HECTD4: variants seen among roughly 807,000 people sequenced by gnomAD.
HECTD4 encodes the protein HECT domain E3 ubiquitin protein ligase 4.
A neutral mutation model predicts 471.5 loss-of-function variants in HECTD4; 114 were observed. The observed-to-expected ratio is 0.24, with a 90% confidence interval of 0.21 to 0.28. The LOEUF is 0.28. HECTD4 is among the 10% of genes least tolerant of loss of function. The probability of loss-of-function intolerance (pLI) is 1.00; values close to 1 mark genes in which losing one functional copy is unlikely to be tolerated. For missense variants in HECTD4, 3,866 were observed against 5,651.5 expected, an observed-to-expected ratio of 0.68 and a Z score of 10.13; for synonymous variants, 2,012 against 2,256.0, an observed-to-expected ratio of 0.89 and a Z score of 3.07.
intron 54 of HECTD4, 67 bp downstream of exon 54, chr12:112,203,569 G>A: frequency 7.6e-7 from 1 of 1,319,090 alleles, no homozygotes; most frequent in Non-Finnish European, 1.0e-6. Context: ...AAGGTACCTG[G>A]GAATCTGGGT....
At chr12:112,281,524 T>C (rs1466705810) in intron 8 of HECTD4, among the ~76,000 whole-genome samples, 1 of 152,208 alleles carries the variant, frequency 6.6e-6, no homozygotes, top group African/African-American at 2.4e-5. Context: ...GTCATGAAAA[T>C]GTTTATTTAG....
At chr12:112,268,967 C>T (rs1322266276) in intron 13 of HECTD4, among the ~76,000 whole-genome samples, 2 of 145,824 alleles carry the variant, frequency 1.4e-5, no homozygotes, top group Admixed American at 6.9e-5. Flanking sequence ...CTCCGCCTCC[C>T]GGGTTCACGC....
At chr12:112,356,849 C>T (rs1337357153) in intron 1 of HECTD4, among the ~76,000 whole-genome samples, 3 of 152,130 alleles carry the variant, frequency 2.0e-5, no homozygotes, top group Non-Finnish European at 4.4e-5. Context: ...TTTAGGCTTC[C>T]TGATTAAAAA....
Position 112,184,624 on chromosome 12 carries a change from C to T in HECTD4, c.10342G>A (p.Ala3448Thr). The T allele has an allele frequency of 1.2e-6, 2 of 1,613,892 alleles. No homozygotes were observed. Among genetic ancestry groups the T allele is most frequent in the South Asian group, 2.2e-5 (2 of 91,084 alleles). ...EEDTKKPKDK[A>T]EGGDGKVEPE... is the part of the protein sequence containing the mutation. ...TCAACTTTCCCGTCCCCGCCCTCGG[C>T]CTTGTCTTTTGGCTTCTTGGTGTCT... The change falls in exon 61 of 76, where the codon GCC becomes ACC. Residue 3448 changes from alanine to threonine, a missense_variant. Physicochemically the swap from Ala to Thr is moderately conservative, Grantham distance 58. Transcript: ENST00000682272. This position sits in a 1 kb window ranked among gnomAD's most constrained non-coding sequence, Gnocchi z 9.1.
At chr12:112,307,951 C>T (rs1396514337) in intron 6 of HECTD4, among the ~76,000 whole-genome samples, 1 of 152,246 alleles carries the variant, frequency 6.6e-6, no homozygotes, top group Non-Finnish European at 1.5e-5. Context: ...TGTATTCTTA[C>T]ACTCAACAAT....
chr12:112,180,532 A>T (rs188534895), intron 62 of HECTD4, among the ~76,000 whole-genome samples: 2,599 of 143,950 alleles, frequency 0.018, 27 homozygotes, highest in Non-Finnish European at 0.029. Context: ...GAGACTGTTT[A>T]AAAAAAAAAA....
rs2036877308 is a variant in HECTD4, at chr12:112,381,041, TC to T, written c.177+910del. On this transcript the variant is annotated intron_variant, in intron 1 of 75. Transcript: ENST00000682272. This position sits in a 1 kb window ranked among gnomAD's most constrained non-coding sequence, Gnocchi z 4.1. Reference sequence around the variant, plus strand: ...ATGCTACCTACACATCAAAATGTCATCCCACAAAGTGGAAGGGGAGCAGTGT... The same window carrying T: ...ATGCTACCTACACATCAAAATGTCATCCACAAAGTGGAAGGGGAGCAGTGT... 6.6e-6 allele frequency among the ~76,000 whole-genome samples: 1 copy of T among 152,000 alleles called. No homozygotes were observed. The highest frequency in any genetic ancestry group is 6.6e-5 in the Admixed American group (1 of 15,250).
chr12:112,244,068 C>A, intron 29 of HECTD4, 59 bp from the exon 30 acceptor site: 1 of 1,544,484 alleles, frequency 6.5e-7, no homozygotes. Flanking sequence ...CAGCCAAATG[C>A]AACACAGAAC....
chr12:112,228,164 G>T lies in HECTD4; in HGVS notation c.6779C>A (p.Thr2260Asn). 1 of 1,613,962 alleles carries T rather than the reference G, an allele frequency of 6.2e-7. No individual in the cohort carries two copies. The highest frequency in any genetic ancestry group is 8.5e-7 in the Non-Finnish European group (1 of 1,179,872). ...LPQEGSLSIH[T>N]SLPATGDGSA... The stretch of plus-strand genomic sequence containing the variant: ...CCCATCTCCTGTTGCAGGAAGTGAG[G>T]TGTGAATAGAGAGACTTCCCTCCTG... The change falls in exon 43 of 76, where the codon ACC becomes AAC. Residue 2260 changes from threonine to asparagine, a missense_variant. Thr to Asn is a moderately conservative substitution (Grantham distance 65). This residue lies in a region of HECTD4 where 617 missense variants were observed against 915.1 expected (regional missense o/e 0.67). Transcript: ENST00000682272. The surrounding 1 kb of genome is among the most constrained non-coding windows in gnomAD (Gnocchi z 4.9).
At chr12:112,172,064 C>T (rs562519627) in intron 67 of HECTD4, among the ~76,000 whole-genome samples, 21 of 152,178 alleles carry the variant, frequency 1.4e-4, no homozygotes, top group South Asian at 2.1e-4. Context: ...CCACCACGCC[C>T]GGCTAATTTT....
chr12:112,350,448 T>C (rs2036230862), intron 1 of HECTD4, among the ~76,000 whole-genome samples: 1 of 152,234 alleles, frequency 6.6e-6, no homozygotes, highest in African/African-American at 2.4e-5. Context: ...CATGTTCTCA[T>C]AAGCTTTTAA....
At chr12:112,359,627 C>T (rs2036413953) in intron 1 of HECTD4, among the ~76,000 whole-genome samples, 2 of 152,132 alleles carry the variant, frequency 1.3e-5, no homozygotes, top group South Asian at 4.1e-4. Flanking sequence ...CCATTTTGGC[C>T]AGGCTGGTCT....
At position 112,173,304 on chromosome 12, in the gene HECTD4, C is replaced by T. The variant is rs1190047629; in HGVS notation, c.11595-443G>A. Among the ~76,000 whole-genome samples the T allele has an allele frequency of 6.6e-6, 1 of 152,206 alleles. No homozygotes were observed. Among genetic ancestry groups the T allele is most frequent in the Admixed American group, 6.6e-5 (1 of 15,264 alleles). The stretch of plus-strand genomic sequence containing the variant: ...CTCCTGGACTCAAGCGATCCTCCCA[C>T]CTCAGCCTCCCCAGTAGCTGGGACC... On this transcript the variant is annotated intron_variant, in intron 66 of 75. Coordinates refer to ENST00000682272, the MANE Select transcript of HECTD4 (RefSeq NM_001388303.1). This position sits in a 1 kb window ranked among gnomAD's most constrained non-coding sequence, Gnocchi z 4.3.
At chr12:112,279,127 C>A (rs1197113779) in intron 9 of HECTD4, 101 bp downstream of exon 9, 2 of 1,004,314 alleles carry the variant, frequency 2.0e-6, no homozygotes, top group Non-Finnish European at 2.9e-6. Flanking sequence ...CTATTGCAAA[C>A]AACTATTTAA....
At chr12:112,367,665 C>T (rs1357083308) in intron 1 of HECTD4, among the ~76,000 whole-genome samples, 2 of 151,258 alleles carry the variant, frequency 1.3e-5, no homozygotes, top group African/African-American at 2.4e-5. Flanking sequence ...AATAAAAATA[C>T]AAAAATTTAG....
At chr12:112,265,336 G>T (rs1051310880) in intron 15 of HECTD4, 41 bp from the exon 16 acceptor site, 3 of 1,318,578 alleles carry the variant, frequency 2.3e-6, no homozygotes, top group African/African-American at 3.0e-5. Context: ...AATATTGATG[G>T]TTTATTCATA....
At position 112,163,744 on chromosome 12, in the gene HECTD4, G is replaced by C. The variant is rs1454144152; in HGVS notation, c.12702-7C>G. 2 of 1,459,362 alleles carry C rather than the reference G, an allele frequency of 1.4e-6. No homozygotes were observed. The highest frequency in any genetic ancestry group is 1.8e-6 in the Non-Finnish European group (2 of 1,101,360). 90.4% of individuals were successfully genotyped at this position (1,459,362 alleles called of 1,614,324 possible). A position where few individuals can be genotyped will look rare whatever the true frequency, so the allele number is the denominator to read the frequency against. ...GATGTCCTTGTTCTCCCACCTGCCC[G>C]GGTGAGGAGCACAGGTGAGGGAGAA... On this transcript the variant is annotated splice_polypyrimidine_tract_variant and splice_region_variant and intron_variant, in intron 73 of 75. Coordinates refer to ENST00000682272, the MANE Select transcript of HECTD4 (RefSeq NM_001388303.1). The surrounding 1 kb of genome is among the most constrained non-coding windows in gnomAD (Gnocchi z 8.2).
At chr12:112,180,652 G>A (rs2031634684) in intron 62 of HECTD4, among the ~76,000 whole-genome samples, 1 of 152,138 alleles carries the variant, frequency 6.6e-6, no homozygotes, top group African/African-American at 2.4e-5. Context: ...TGGAAAGTTT[G>A]ACTGTAAAAG....
intron 8 of HECTD4, among the ~76,000 whole-genome samples, chr12:112,282,253 G>T (rs1003388942): frequency 1.3e-5 from 2 of 152,046 alleles, no homozygotes; most frequent in Non-Finnish European, 2.9e-5. Context: ...CGTGGTAGCG[G>T]GCGCCTGTAG....
Sources: gnomAD v4.1 joint callset for allele counts (sites outside exome capture counted in the v4.1 genomes callset) on GRCh38, gnomAD v4.1.1 for gene constraint, gnomAD v4.1.1 regional missense constraint, Gnocchi (gnomAD v3.1) non-coding constraint, MANE v1.5 for transcripts, NCBI Gene and HGNC (gene_info 2026-07-23, HGNC 2026-07-21) for gene names.